The following IL15 variants were observed in gnomAD, a reference collection of about 807,000 sequenced individuals.
The protein encoded by IL15 is interleukin-15.
IL15 carries 11 observed loss-of-function variants against 19.6 expected under a neutral mutation model. The observed-to-expected ratio is 0.56, with a 90% CI of 0.35 to 0.93. The LOEUF is 0.93. Among genes scored for constraint, IL15 ranks in the 40% least tolerant of loss-of-function variants. IL15 has a pLI of 0.01. For synonymous variants in IL15, 58 were observed against 59.6 expected, an observed-to-expected ratio of 0.97 and a Z score of 0.12; for missense variants, 197 against 186.5, an observed-to-expected ratio of 1.06 and a Z score of -0.33.
chr4:141,707,871 T>G (rs1729576870), intron 2 of IL15, among the ~76,000 whole-genome samples: 1 of 152,194 alleles, frequency 6.6e-6, no homozygotes, highest in African/African-American at 2.4e-5. Context: ...CTTACAGAGA[T>G]GCTGCCAGCA....
chr4:141,646,455 C>T (rs895748231), intron 1 of IL15, among the ~76,000 whole-genome samples: 6 of 152,058 alleles, frequency 3.9e-5, no homozygotes, highest in African/African-American at 7.2e-5. Flanking sequence ...CACCCCCTTC[C>T]CCATACCTGC....
intron 2 of IL15, among the ~76,000 whole-genome samples, chr4:141,692,910 A>C (rs72712416): frequency 0.12 from 17,339 of 150,132 alleles, 1,105 homozygotes; most frequent in Non-Finnish European, 0.15. Flanking sequence ...CAGTACCCCC[A>C]TCTGCCAATT....
Position 141,729,994 on chromosome 4 carries a change from C to A in IL15, c.378+10C>A. On this transcript the variant is annotated intron_variant, in intron 7 of 7. Transcript: ENST00000320650. ...TTTGTCTTCTAATGGGGTGAGTTTT[C>A]CAACAGTTGCTTAGAGTTGCATCTT... The A allele has an allele frequency of 6.2e-7, 1 of 1,605,040 alleles. No individual in the cohort carries two copies. Among genetic ancestry groups the A allele is most frequent in the African/African-American group, 1.3e-5 (1 of 74,732 alleles).
intron 5 of IL15, among the ~76,000 whole-genome samples, chr4:141,726,894 G>A (rs1258378003): frequency 6.6e-6 from 1 of 152,114 alleles, no homozygotes; most frequent in Non-Finnish European, 1.5e-5. Context: ...AAGCTATCAA[G>A]CCATGAAAAG....
chr4:141,701,537 T>C (rs1729315255), intron 2 of IL15, among the ~76,000 whole-genome samples: 1 of 152,196 alleles, frequency 6.6e-6, no homozygotes, highest in South Asian at 2.1e-4. Flanking sequence ...TCTCTTGTGA[T>C]GTATACTTTA....
At chr4:141,709,386 T>C (rs1243736260) in intron 2 of IL15, among the ~76,000 whole-genome samples, 2 of 152,196 alleles carry the variant, frequency 1.3e-5, no homozygotes, top group Non-Finnish European at 2.9e-5. Flanking sequence ...AGGTTGTTCA[T>C]TGTGTTTTTA....
At chr4:141,698,776 G>A (rs1579031194) in intron 2 of IL15, among the ~76,000 whole-genome samples, 1 of 151,842 alleles carries the variant, frequency 6.6e-6, no homozygotes, top group Non-Finnish European at 1.5e-5. Context: ...TTTTTTCAAA[G>A]AACCAGCTTT....
intron 1 of IL15, among the ~76,000 whole-genome samples, chr4:141,647,782 C>A (rs775642052): frequency 1.3e-5 from 2 of 152,008 alleles, no homozygotes; most frequent in African/African-American, 4.8e-5. Context: ...GTTTTCCTGG[C>A]GAGACACTAT....
intron 2 of IL15, among the ~76,000 whole-genome samples, chr4:141,690,502 C>T (rs1309218165): frequency 1.3e-5 from 2 of 152,210 alleles, no homozygotes; most frequent in East Asian, 1.9e-4. Flanking sequence ...CATATCCAGA[C>T]AGCCAACAAG....
At chr4:141,643,462 CA>C (rs1193857342) in intron 1 of IL15, among the ~76,000 whole-genome samples, 2 of 152,172 alleles carry the variant, frequency 1.3e-5, no homozygotes, top group African/African-American at 4.8e-5. Context: ...ATACACTTGT[CA>C]AAGGTACCAC....
chr4:141,690,189 C>T (rs1293894988), intron 2 of IL15, among the ~76,000 whole-genome samples: 1 of 152,214 alleles, frequency 6.6e-6, no homozygotes, highest in East Asian at 1.9e-4. Context: ...CACGGAACTC[C>T]AGCTGGCCCG....
At chr4:141,646,573 CA>C (rs1456254784) in intron 1 of IL15, among the ~76,000 whole-genome samples, 3 of 152,054 alleles carry the variant, frequency 2.0e-5, no homozygotes, top group African/African-American at 7.2e-5. Context: ...TTTGGGAATT[CA>C]GATTATTTTT....
chr4:141,711,521 A>G (rs572796544), intron 2 of IL15, among the ~76,000 whole-genome samples: 3 of 152,206 alleles, frequency 2.0e-5, no homozygotes, highest in Admixed American at 6.5e-5. Flanking sequence ...TAATTATGTC[A>G]TATGTGCTTT....
At chr4:141,692,462 T>C (rs1728945639) in intron 2 of IL15, among the ~76,000 whole-genome samples, 1 of 152,244 alleles carries the variant, frequency 6.6e-6, no homozygotes, top group Non-Finnish European at 1.5e-5. Context: ...TCCAAACTTT[T>C]ATGCTTTGTT....
intron 1 of IL15, among the ~76,000 whole-genome samples, chr4:141,638,084 T>A (rs1195708495): frequency 6.6e-6 from 1 of 151,976 alleles, no homozygotes; most frequent in Non-Finnish European, 1.5e-5. Flanking sequence ...AATAAATAAA[T>A]GAATAAAAAA....
chr4:141,705,251 A>G (rs1387790809), intron 2 of IL15, among the ~76,000 whole-genome samples: 2 of 151,820 alleles, frequency 1.3e-5, no homozygotes, highest in African/African-American at 4.8e-5. Flanking sequence ...TTCTTTCACT[A>G]TGTCGCATAG....
At chr4:141,686,254 C>T (rs1459339920) in intron 2 of IL15, among the ~76,000 whole-genome samples, 1 of 151,702 alleles carries the variant, frequency 6.6e-6, no homozygotes, top group East Asian at 1.9e-4. Flanking sequence ...GAGATCATGC[C>T]ATTGCACTCC....
At chr4:141,683,805 C>T (rs963754526) in intron 2 of IL15, among the ~76,000 whole-genome samples, 10 of 152,028 alleles carry the variant, frequency 6.6e-5, no homozygotes, top group Middle Eastern at 3.2e-3. Flanking sequence ...AGCTTTAGGT[C>T]GGGGAGAGAG....
intron 1 of IL15, among the ~76,000 whole-genome samples, chr4:141,637,947 C>A (rs935433226): frequency 1.3e-5 from 2 of 152,070 alleles, no homozygotes; most frequent in Non-Finnish European, 2.9e-5. Context: ...ATAAGGTGAA[C>A]CATTCTACTG....
Sources: gnomAD v4.1 joint callset for allele counts (sites outside exome capture counted in the v4.1 genomes callset) on GRCh38, gnomAD v4.1.1 for gene constraint, MANE v1.5 for transcripts, NCBI Gene and HGNC (gene_info 2026-07-23, HGNC 2026-07-21) for gene names.